FAM171A1: variants seen among roughly 807,000 people sequenced by gnomAD.
FAM171A1 encodes protein FAM171A1.
A neutral mutation model predicts 74.9 loss-of-function variants in FAM171A1; 23 were observed. That is an observed-to-expected ratio of 0.31 (90% CI 0.22 to 0.44). The LOEUF is 0.44. Ranked by LOEUF, FAM171A1 falls within the 20% of genes least tolerant of loss-of-function variation. The pLI, the probability that FAM171A1 is intolerant of heterozygous loss-of-function variation, is 1.00. For synonymous variants in FAM171A1, 527 were observed against 505.7 expected, an observed-to-expected ratio of 1.04 and a Z score of -0.57; for missense variants, 1,162 against 1,159.2, an observed-to-expected ratio of 1.00 and a Z score of -0.03.
At chr10:15,214,758 C>T (rs1458328664) in intron 7 of FAM171A1, among the ~76,000 whole-genome samples, 157 bp from the exon 8 acceptor site, 1 of 140,430 alleles carries the variant, frequency 7.1e-6, no homozygotes. Flanking sequence ...CACGCCCTGT[C>T]TTTTTTTTTT....
rs1192523077 is a variant in FAM171A1 at position 15,254,799 on chromosome 10, C to T, written c.499G>A (p.Ala167Thr). 8 of 1,614,196 alleles carry T rather than the reference C, an allele frequency of 5.0e-6. No homozygotes were observed. The highest frequency in any genetic ancestry group is 2.7e-5 in the African/African-American group (2 of 75,052). The change falls in exon 4 of 8, where the codon GCG (alanine) becomes ACG (threonine). Residue 167 changes from alanine to threonine, a missense_variant. Transcript: ENST00000378116. Reference protein sequence around the residue: ...PENTSYSDLTAFLTAASSPSE... With the variant: ...PENTSYSDLTTFLTAASSPSE... The stretch of plus-strand genomic sequence containing the variant: ...GGGGAGCTGGCGGCCGTGAGAAACG[C>T]GGTCAGGTCACTGTAGCTGGTGTTC...
At position 15,340,339 on chromosome 10, in the gene FAM171A1, T is replaced by C. The variant is rs186377370; in HGVS notation, c.97+30617A>G. ...AAGGCTGGGGATGACATGGGCCTGT[T>C]GATGGGATGCAGGAGAGTCACAGGC... On this transcript the variant is annotated intron_variant, in intron 1 of 7. Transcript: ENST00000378116. 4.6e-5 allele frequency among the ~76,000 whole-genome samples: 7 copies of C among 152,300 alleles called. No homozygotes were observed. The East Asian group carries it at 1.4e-3, about 29-fold the overall frequency.
intron 1 of FAM171A1, among the ~76,000 whole-genome samples, chr10:15,353,300 G>A (rs574763788): frequency 1.1e-4 from 16 of 152,290 alleles, no homozygotes; most frequent in Admixed American, 3.9e-4. Flanking sequence ...GTTTGACGCC[G>A]CCCTTTGGAA....
At chr10:15,240,401 T>G (rs1564620075) in intron 5 of FAM171A1, among the ~76,000 whole-genome samples, 1 of 152,272 alleles carries the variant, frequency 6.6e-6, no homozygotes, top group East Asian at 1.9e-4. Context: ...AGGGTCCATA[T>G]AGCAATTAGC....
intron 1 of FAM171A1, among the ~76,000 whole-genome samples, chr10:15,359,227 T>C (rs953766957): frequency 6.6e-6 from 1 of 152,168 alleles, no homozygotes; most frequent in African/African-American, 2.4e-5. Flanking sequence ...ATATTGACAA[T>C]TCCAAGAATT....
At chr10:15,289,141 G>A (rs186329778) in intron 1 of FAM171A1, among the ~76,000 whole-genome samples, 2 of 152,216 alleles carry the variant, frequency 1.3e-5, no homozygotes, top group Admixed American at 1.3e-4. Context: ...AATTCTTACA[G>A]CCCACAGGGG....
intron 3 of FAM171A1, among the ~76,000 whole-genome samples, chr10:15,263,203 G>A (rs963310349): frequency 2.0e-5 from 3 of 152,164 alleles, no homozygotes; most frequent in Non-Finnish European, 2.9e-5. Flanking sequence ...ACTCTGAGTC[G>A]TTGTTTCTGA....
Position 15,370,062 on chromosome 10 carries a change from C to T in FAM171A1, c.97+894G>A, listed in dbSNP as rs7896338. Among the ~76,000 whole-genome samples, 714 of 151,528 alleles carry T rather than the reference C, an allele frequency of 4.7e-3. 7 individuals carry two copies. Among genetic ancestry groups the T allele is most frequent in the African/African-American group, 0.016 (667 of 41,358 alleles). ...CCCCACAAAAATGTGCCAAGCAAGC[C>T]TCAGGGTGGGTGTGGGGGACTCCCC... On this transcript the variant is annotated intron_variant, in intron 1 of 7. Transcript: ENST00000378116.
rs1426986136 is a variant in FAM171A1, at chr10:15,254,740, T to A, written c.558A>T (p.Gly186=). Residue 186 remains glycine, a synonymous_variant, in exon 4 of 8, where the codon GGA becomes GGT. Transcript: ENST00000378116. The part of the protein sequence containing the change: ...SEVDSFPYLR[G]LDGNGTGNST... ...AATTACCTGTTCCATTTCCGTCTAA[T>A]CCTCGCAAATAAGGAAAACTGTCCA... 1.9e-6 allele frequency: 3 copies of A among 1,614,106 alleles called. No homozygotes were observed. The East Asian group carries it at 6.7e-5, about 36-fold the overall frequency.
At chr10:15,226,167 A>G (rs1201441777) in intron 5 of FAM171A1, among the ~76,000 whole-genome samples, 2 of 152,278 alleles carry the variant, frequency 1.3e-5, no homozygotes, top group East Asian at 3.9e-4. Context: ...CCAGAAACCC[A>G]GGCTTCTTCC....
chr10:15,258,759 G>T (rs1330751631), intron 3 of FAM171A1, among the ~76,000 whole-genome samples: 1 of 152,112 alleles, frequency 6.6e-6, no homozygotes, highest in Non-Finnish European at 1.5e-5. Flanking sequence ...TCCTCCTTGG[G>T]ATTCATGGTC....
At chr10:15,366,834 A>G (rs977029712) in intron 1 of FAM171A1, among the ~76,000 whole-genome samples, 1 of 152,234 alleles carries the variant, frequency 6.6e-6, no homozygotes, top group Non-Finnish European at 1.5e-5. Flanking sequence ...AGTATTTCCC[A>G]GCAATAATAA....
chr10:15,268,254 T>C (rs1239214523), intron 3 of FAM171A1, among the ~76,000 whole-genome samples: 1 of 152,148 alleles, frequency 6.6e-6, no homozygotes, highest in Non-Finnish European at 1.5e-5. Context: ...CAAGGTGATT[T>C]GGTCACCCTC....
intron 4 of FAM171A1, 133 bp from the exon 5 acceptor site, chr10:15,248,948 C>T (rs1166347847): frequency 5.4e-6 from 4 of 743,822 alleles, no homozygotes; most frequent in African/African-American, 5.4e-5. Context: ...ACTTTACATA[C>T]ATAATCCTCA....
Position 15,301,362 on chromosome 10 carries a change from A to ATATT in FAM171A1, c.98-17258_98-17257insAATA, listed in dbSNP as rs575709720. 2.2e-3 allele frequency among the ~76,000 whole-genome samples: 314 copies of ATATT among 141,552 alleles called. 6 individuals are homozygous for ATATT. Among genetic ancestry groups the ATATT allele is most frequent in the Middle Eastern group, 3.8e-3 (1 of 264 alleles). 92.9% of individuals were successfully genotyped at this position (141,552 alleles called of 152,430 possible). On this transcript the variant is annotated intron_variant, in intron 1 of 7. Transcript: ENST00000378116. ...CGCCCAGCTATATATATATATATAT[A>ATATT]TTTTTTTTTTTTGTATTTTTAGTAG...
intron 5 of FAM171A1, among the ~76,000 whole-genome samples, chr10:15,238,362 T>A (rs1046446479): frequency 4.6e-5 from 7 of 152,180 alleles, no homozygotes; most frequent in African/African-American, 1.7e-4. Context: ...TTGATCAATA[T>A]CCCCTACCAG....
intron 1 of FAM171A1, 88 bp from the exon 2 acceptor site, chr10:15,284,193 G>C: frequency 8.1e-7 from 1 of 1,241,640 alleles, no homozygotes; most frequent in Non-Finnish European, 1.1e-6. Flanking sequence ...GAAGTGGAAG[G>C]AGGGCTCTGT....
chr10:15,306,598 T>C (rs1486172966), intron 1 of FAM171A1, among the ~76,000 whole-genome samples: 2 of 152,142 alleles, frequency 1.3e-5, no homozygotes, highest in African/African-American at 4.8e-5. Context: ...ACTGCTGACC[T>C]CAGGTGATCC....
chr10:15,270,510 G>A (rs1199899553), intron 3 of FAM171A1, among the ~76,000 whole-genome samples: 1 of 152,166 alleles, frequency 6.6e-6, no homozygotes, highest in Non-Finnish European at 1.5e-5. Flanking sequence ...GTCCCTGTTT[G>A]ACAGCTCTGA....
Sources: allele counts gnomAD v4.1 joint callset (sites outside exome capture counted in the v4.1 genomes callset), GRCh38; gene constraint gnomAD v4.1.1; transcripts MANE v1.5; gene names NCBI Gene and HGNC (gene_info 2026-07-23, HGNC 2026-07-21).